MAP2K3: variants seen among roughly 807,000 people sequenced by gnomAD.
The protein encoded by MAP2K3 is dual specificity mitogen-activated protein kinase kinase 3.
In MAP2K3, 30 loss-of-function variants were observed where a neutral mutation model predicts 46.4. That is an observed-to-expected ratio of 0.65 (90% confidence interval 0.48 to 0.88). The LOEUF (loss-of-function observed/expected upper bound fraction) is 0.88, where lower values mean the gene tolerates loss of function less well. Ranked by LOEUF, MAP2K3 falls within the 40% of genes least tolerant of loss-of-function variation. The pLI is 0.00. For missense variants in MAP2K3, 380 were observed against 464.5 expected (o/e 0.82, Z 1.67); for synonymous variants, 189 against 176.3 (o/e 1.07, Z -0.57).
At chr17:21,306,705 ACTCCTGAC>A (rs1456134675) in intron 9 of MAP2K3, among the ~76,000 whole-genome samples, 3 of 151,630 alleles carry the variant, frequency 2.0e-5, no homozygotes, top group African/African-American at 7.3e-5. Flanking sequence ...CTGGTCTTGA[ACTCCTGAC>A]CTCAAGTGAT....
At chr17:21,308,626 G>T (rs1977016496) in intron 9 of MAP2K3, among the ~76,000 whole-genome samples, 4 of 152,100 alleles carry the variant, frequency 2.6e-5, no homozygotes, top group Admixed American at 2.6e-4. Context: ...TTTTTGAGGT[G>T]GAGAGGAATA....
At chr17:21,309,035 T>C (rs9893112) in intron 9 of MAP2K3, among the ~76,000 whole-genome samples, 121 of 152,412 alleles carry the variant, frequency 7.9e-4, no homozygotes, top group African/African-American at 2.7e-3. Context: ...GCTCTTCTGC[T>C]GTACCTGGGA....
chr17:21,314,449 A>C lies in MAP2K3; in HGVS notation c.*219A>C. 1.7e-6 allele frequency: 1 copy of C among 571,770 alleles called. No individual in the cohort carries two copies. The highest frequency in any genetic ancestry group is 3.1e-6 in the Non-Finnish European group (1 of 318,064). 35.4% of individuals were successfully genotyped at this position (571,770 alleles called of 1,614,324 possible). A position where few individuals can be genotyped will look rare whatever the true frequency, so the allele number is the denominator to read the frequency against. On this transcript the variant is annotated 3_prime_UTR_variant, in exon 12 of 12. Coordinates refer to ENST00000342679, the MANE Select transcript of MAP2K3 (RefSeq NM_145109.3). ...CAGCCAGGCCCTTGTCGGCCCCACC[A>C]GTGCCTCTCCCTGCTGCTCCTAGGA... is the stretch of plus-strand genomic sequence containing the variant.
intron 6 of MAP2K3, among the ~76,000 whole-genome samples, chr17:21,302,591 C>T (rs1976668814): frequency 2.6e-5 from 4 of 152,302 alleles, no homozygotes; most frequent in African/African-American, 7.2e-5. Context: ...CTAAAAATGC[C>T]CCGGGGCAGC....
chr17:21,292,477 C>A (rs1361476783), intron 1 of MAP2K3, among the ~76,000 whole-genome samples: 4 of 152,310 alleles, frequency 2.6e-5, no homozygotes, highest in African/African-American at 9.6e-5. Flanking sequence ...CCACCTCAGC[C>A]TCCCAGGTAA....
intron 2 of MAP2K3, 112 bp from the exon 3 acceptor site, chr17:21,298,766 G>T: frequency 1.4e-6 from 2 of 1,431,270 alleles, no homozygotes; most frequent in Non-Finnish European, 9.7e-7. Flanking sequence ...AGGCGCCTCC[G>T]GGGCAGGAGG....
At chr17:21,296,053 T>C (rs1290535185) in intron 1 of MAP2K3, 1 of 1,289,108 alleles carries the variant, frequency 7.8e-7, no homozygotes, top group Non-Finnish European at 1.0e-6. Flanking sequence ...TAATTCTCAT[T>C]ACTTAGGGCA....
At chr17:21,294,531 G>T (rs1317950673) in intron 1 of MAP2K3, among the ~76,000 whole-genome samples, 1 of 152,310 alleles carries the variant, frequency 6.6e-6, no homozygotes, top group Non-Finnish European at 1.5e-5. Context: ...CTGCCCTCAG[G>T]CTGTTGCTGT....
chr17:21,301,023 C>A, intron 5 of MAP2K3, 30 bp downstream of exon 5: 1 of 1,569,542 alleles, frequency 6.4e-7, no homozygotes, highest in South Asian at 1.1e-5. Flanking sequence ...AGCTGGGGAT[C>A]TCCACCTCCC....
chr17:21,298,840 G>T (rs58000641), intron 2 of MAP2K3, 38 bp from the exon 3 acceptor site: 23,366 of 1,602,046 alleles, frequency 0.015, 5 homozygotes, highest in African/African-American at 0.059. Context: ...GAAGGGTGTG[G>T]TTCTCTCTGA....
intron 9 of MAP2K3, among the ~76,000 whole-genome samples, chr17:21,309,365 C>T (rs76775349): frequency 1.1e-4 from 1 of 9,098 alleles, no homozygotes; most frequent in Non-Finnish European, 2.9e-4. Context: ...GTGCACACAG[C>T]GGGAGGCGGA....
chr17:21,293,873 C>T, intron 1 of MAP2K3, among the ~76,000 whole-genome samples: 1 of 152,428 alleles, frequency 6.6e-6, no homozygotes, highest in African/African-American at 2.4e-5. Flanking sequence ...TGTCCTGCAT[C>T]CTCTCCAGAG....
chr17:21,304,714 C>A (rs1253424339), intron 8 of MAP2K3, among the ~76,000 whole-genome samples, 161 bp downstream of exon 8: 6 of 152,312 alleles, frequency 3.9e-5, no homozygotes, highest in Admixed American at 3.9e-4. Flanking sequence ...TGCCCAGGGG[C>A]AGCCCTTCTG....
At chr17:21,289,656 C>G (rs796259301) in intron 1 of MAP2K3, among the ~76,000 whole-genome samples, 2 of 152,350 alleles carry the variant, frequency 1.3e-5, no homozygotes, top group African/African-American at 4.8e-5. Context: ...GCAGATGCCT[C>G]CCCGAAGCAG....
rs893721364 is a variant in MAP2K3, at chr17:21,290,119, G to A, written c.49+5150G>A. Among the ~76,000 whole-genome samples the A allele has an allele frequency of 4.6e-5, 7 of 152,244 alleles. No individual in the cohort carries two copies. In the South Asian group the frequency reaches 1.4e-3, roughly 31 times the overall value. On this transcript the variant is annotated intron_variant, in intron 1 of 11. Coordinates refer to ENST00000342679, the MANE Select transcript of MAP2K3 (RefSeq NM_145109.3). ...TACATGTGCCAGTGTGTGCGGTGAT[G>A]CGGTGACAGGCCAGGGGGCTGCCTC...
intron 3 of MAP2K3, among the ~76,000 whole-genome samples, chr17:21,299,356 G>A (rs1976457930): frequency 1.3e-5 from 2 of 152,310 alleles, no homozygotes; most frequent in South Asian, 4.1e-4. Context: ...CTGGCTCAGG[G>A]ACCGTGCTAT....
chr17:21,303,509 A>C (rs919070174), intron 7 of MAP2K3, among the ~76,000 whole-genome samples: 11 of 152,306 alleles, frequency 7.2e-5, no homozygotes, highest in African/African-American at 2.7e-4. Context: ...AAACTCCAGC[A>C]TAGAGTGCAT....
intron 9 of MAP2K3, among the ~76,000 whole-genome samples, chr17:21,307,490 C>T (rs1597827808): frequency 6.9e-6 from 1 of 145,370 alleles, no homozygotes; most frequent in East Asian, 2.3e-4. Flanking sequence ...GGTGCAAGTG[C>T]AAAGGCCCTG....
At chr17:21,302,854 T>G (rs574138511) in intron 6 of MAP2K3, among the ~76,000 whole-genome samples, 6 of 152,310 alleles carry the variant, frequency 3.9e-5, no homozygotes, top group African/African-American at 1.2e-4. Flanking sequence ...GAATACTGGC[T>G]CTGCCACGGG....
Sources: gnomAD v4.1 joint callset for allele counts (sites outside exome capture counted in the v4.1 genomes callset) on GRCh38, gnomAD v4.1.1 for gene constraint, MANE v1.5 for transcripts, NCBI Gene and HGNC (gene_info 2026-07-23, HGNC 2026-07-21) for gene names.